SLC44A2: variants seen among roughly 807,000 people sequenced by gnomAD.
SLC44A2 encodes choline transporter-like protein 2.
In SLC44A2, 57 loss-of-function variants were observed where a neutral mutation model predicts 90.8. The ratio of observed to expected loss-of-function variants is 0.63; its 90% CI spans 0.51 to 0.78. The LOEUF is 0.78. SLC44A2 is among the 30% of genes least tolerant of loss of function. SLC44A2 has a pLI of 0.00. For synonymous variants in SLC44A2, 355 were observed against 360.7 expected, an observed-to-expected ratio of 0.98 and a Z score of 0.18; for missense variants, 794 against 919.7, an observed-to-expected ratio of 0.86 and a Z score of 1.77.
At chr19:10,635,881 C>T (rs774181550) in intron 14 of SLC44A2, 34 of 240,630 alleles carry the variant, frequency 1.4e-4, no homozygotes, top group Admixed American at 4.2e-4. Flanking sequence ...CTGGTTCAAG[C>T]GATTCTCCTG....
intron 1 of SLC44A2, among the ~76,000 whole-genome samples, chr19:10,612,837 A>G (rs1167151203): frequency 6.6e-6 from 1 of 152,086 alleles, no homozygotes; most frequent in African/African-American, 2.4e-5. Flanking sequence ...CAATTTTCCC[A>G]ATTTTTCTTC....
upstream of SLC44A2, among the ~76,000 whole-genome samples, chr19:10,622,295 T>G (rs1161135738): frequency 6.6e-6 from 1 of 151,990 alleles, no homozygotes; most frequent in African/African-American, 2.4e-5. Flanking sequence ...CAAGGCTTTG[T>G]GGGCTGTGGC....
At position 10,628,002 on chromosome 19, in the gene SLC44A2, C is replaced by A. The variant is rs142740069; in HGVS notation, c.243C>A (p.Asn81Lys). 3.7e-6 allele frequency: 6 copies of A among 1,612,728 alleles called. No individual in the cohort carries two copies. In the African/African-American group the frequency reaches 5.3e-5, roughly 14 times the overall value. ...GEFCGQKGTK[N>K]ENKPYLFYFN... ...TCTGCGGGCAGAAGGGCACAAAAAA[C>A]GAGTGAGTTGACTCCTTGCGGCCTG... The change falls in exon 4 of 22, where the codon AAC becomes AAA. Residue 81 changes from asparagine to lysine, a missense_variant and splice_region_variant. This residue lies in a region of SLC44A2 where 738 missense variants were observed against 841.1 expected (regional missense o/e 0.88). Transcript: ENST00000335757.
chr19:10,608,573 A>G (rs946218900), intron 1 of SLC44A2, among the ~76,000 whole-genome samples: 8 of 151,922 alleles, frequency 5.3e-5, no homozygotes, highest in Non-Finnish European at 1.2e-4. Flanking sequence ...AAAAAAGAAC[A>G]TTTCCAGGGC....
rs1278001507 is a variant in SLC44A2, at chr19:10,631,261, T to C, written c.331-14T>C. 1.2e-6 allele frequency: 2 copies of C among 1,613,582 alleles called. No individual in the cohort carries two copies. Among genetic ancestry groups the C allele is most frequent in the East Asian group, 4.5e-5 (2 of 44,864 alleles). On this transcript the variant is annotated splice_polypyrimidine_tract_variant and intron_variant, in intron 5 of 21. Coordinates refer to ENST00000335757, the MANE Select transcript of SLC44A2 (RefSeq NM_020428.4). ...GCCCCAACTCCACCCAATCCCTTCC[T>C]TCTCCCCTCCCAGATCTGCGTGGAA...
upstream of SLC44A2, chr19:10,625,447 C>T (rs2066921983): frequency 8.2e-7 from 1 of 1,214,728 alleles, no homozygotes; most frequent in Non-Finnish European, 1.0e-6. Context: ...CCCGCGCCCT[C>T]CCGGGTCCCT....
At chr19:10,622,406 C>T (rs77736886), upstream of SLC44A2, among the ~76,000 whole-genome samples, 3,427 of 152,004 alleles carry the variant, frequency 0.023, 50 homozygotes, top group Non-Finnish European at 0.033. Context: ...TGTCTCTGGC[C>T]GCTATAGTGA....
chr19:10,611,186 T>G (rs1368735907), intron 1 of SLC44A2, among the ~76,000 whole-genome samples: 1 of 151,924 alleles, frequency 6.6e-6, no homozygotes, highest in East Asian at 1.9e-4. Flanking sequence ...GTGCAGTGCC[T>G]CACGCCTGTA....
At chr19:10,610,006 A>C (rs1918237055) in intron 1 of SLC44A2, among the ~76,000 whole-genome samples, 1 of 151,734 alleles carries the variant, frequency 6.6e-6, no homozygotes, top group Non-Finnish European at 1.5e-5. Flanking sequence ...GGGTTTCACT[A>C]TGTTGACCAG....
Position 10,620,473 on chromosome 19 carries a change from AC to A in SLC44A2, c.32-5779del, listed in dbSNP as rs574364984. On this transcript the variant is annotated intron_variant, in intron 1 of 21. Transcript: ENST00000407327. ...CCATCTCCAAAAAACAAACAAACAAACAAAAAACGCAAATTAATTTTTAAAA... is the reference window on the plus strand; with the variant it reads ...CCATCTCCAAAAAACAAACAAACAAAAAAAAACGCAAATTAATTTTTAAAA... Among the ~76,000 whole-genome samples, 10 of 152,278 alleles carry A rather than the reference AC, an allele frequency of 6.6e-5. No homozygotes were observed. In the South Asian group the frequency reaches 1.0e-3, roughly 16 times the overall value.
At chr19:10,617,794 T>A (rs1416133478) in intron 1 of SLC44A2, among the ~76,000 whole-genome samples, 1 of 152,162 alleles carries the variant, frequency 6.6e-6, no homozygotes, top group East Asian at 1.9e-4. Flanking sequence ...TGAAAGGTAG[T>A]GAGTTCGCTT....
intron 1 of SLC44A2, among the ~76,000 whole-genome samples, chr19:10,606,325 AT>A (rs1918102668): frequency 6.6e-6 from 1 of 152,058 alleles, no homozygotes; most frequent in South Asian, 2.1e-4. Flanking sequence ...CCCTGGTCCC[AT>A]TTGCTAGAAT....
At chr19:10,625,475 C>G (rs1568447370), upstream of SLC44A2, 1 of 1,218,368 alleles carries the variant, frequency 8.2e-7, no homozygotes, top group Non-Finnish European at 1.0e-6. Context: ...GGCAGCTGCC[C>G]AGCTCGGGCC....
At chr19:10,636,121 C>G in intron 14 of SLC44A2, 1 of 633,820 alleles carries the variant, frequency 1.6e-6, no homozygotes, top group Non-Finnish European at 2.6e-6. Flanking sequence ...CTCTTCTTGA[C>G]CCCAGTGATG....
In SLC44A2 at chr19:10,643,309, C is replaced by G; in HGVS notation, c.2045C>G (p.Ala682Gly). The G allele has an allele frequency of 6.2e-7, 1 of 1,610,524 alleles. No individual in the cohort carries two copies. Among genetic ancestry groups the G allele is most frequent in the Non-Finnish European group, 8.5e-7 (1 of 1,178,338 alleles). The change falls in exon 22 of 22, where the codon GCC becomes GGC. Residue 682 changes from alanine to glycine, a missense_variant. This residue lies in a region of SLC44A2 where 44 missense variants were observed against 43.9 expected (regional missense o/e 1.00). Coordinates refer to ENST00000335757, the MANE Select transcript of SLC44A2 (RefSeq NM_020428.4). ...LEDLERNDGS[A>G]ERPYFMSSTL... is the part of the protein sequence containing the mutation. ...GACCTGGAGAGGAATGACGGCTCGG[C>G]CGAGAGGCCTTACTTCATGTCTTCC...
In SLC44A2 at chr19:10,636,464, T is replaced by C; in HGVS notation, c.1375T>C (p.Phe459Leu). Residue 459 changes from phenylalanine (F) to leucine (L), a missense_variant, in exon 15 of 22, where the codon TTC becomes CTC. Physicochemically the swap from Phe to Leu is conservative, Grantham distance 22. Coordinates refer to ENST00000335757, the MANE Select transcript of SLC44A2 (RefSeq NM_020428.4). Reference protein sequence around the residue: ...NAFMFFWLANFVLALGQVTLA... With the variant: ...NAFMFFWLANLVLALGQVTLA... The stretch of plus-strand genomic sequence containing the variant: ...CTTCATGTTCTTCTGGTTGGCCAAC[T>C]TCGTGCTGGCGCTGGGCCAGGTCAC... 6.2e-7 allele frequency: 1 copy of C among 1,613,812 alleles called. No individual in the cohort carries two copies. The highest frequency in any genetic ancestry group is 8.5e-7 in the Non-Finnish European group (1 of 1,180,020).
intron 1 of SLC44A2, among the ~76,000 whole-genome samples, chr19:10,606,657 A>G (rs1013806346): frequency 6.6e-6 from 1 of 151,734 alleles, no homozygotes; most frequent in Admixed American, 6.6e-5. Flanking sequence ...CTAAAAATAC[A>G]AAAATGTTCT....
chr19:10,616,682 T>C (rs1023783204), intron 1 of SLC44A2, among the ~76,000 whole-genome samples: 1 of 151,916 alleles, frequency 6.6e-6, no homozygotes, highest in Admixed American at 6.6e-5. Flanking sequence ...CTGGCCAATA[T>C]GGTGAAACCC....
chr19:10,625,266 C>A (rs944336912), upstream of SLC44A2: 3 of 253,290 alleles, frequency 1.2e-5, no homozygotes, highest in Non-Finnish European at 1.5e-5. Flanking sequence ...GCCTCAGTTT[C>A]CACACCTGCA....
Sources: allele counts gnomAD v4.1 joint callset (sites outside exome capture counted in the v4.1 genomes callset), GRCh38; gene constraint gnomAD v4.1.1; regional missense constraint gnomAD v4.1.1; transcripts MANE v1.5; gene names NCBI Gene and HGNC (gene_info 2026-07-23, HGNC 2026-07-21).